Variants in LZTFL1 observed in about 807,000 individuals in gnomAD.
The protein encoded by LZTFL1 is leucine zipper transcription factor-like protein 1.
A neutral mutation model predicts 45.9 loss-of-function variants in LZTFL1; 25 were observed. The observed-to-expected ratio is 0.54, with a 90% CI of 0.40 to 0.76. The LOEUF (loss-of-function observed/expected upper bound fraction) is 0.76, where lower values mean the gene tolerates loss of function less well. Ranked by LOEUF, LZTFL1 falls within the 30% of genes least tolerant of loss-of-function variation. The pLI, the probability that LZTFL1 is intolerant of heterozygous loss-of-function variation, is 0.00. For missense variants in LZTFL1, 277 were observed against 331.1 expected, an observed-to-expected ratio of 0.84 and a Z score of 1.27; for synonymous variants, 93 against 117.4, an observed-to-expected ratio of 0.79 and a Z score of 1.35.
chr3:45,898,932 C>A (rs1232398649), intron 2 of LZTFL1, among the ~76,000 whole-genome samples: 1 of 152,180 alleles, frequency 6.6e-6, no homozygotes, highest in Admixed American at 6.5e-5. Flanking sequence ...CTTTCGGAGG[C>A]CAAAGTGGGT....
chr3:45,851,532 A>T lies in LZTFL1; in HGVS notation c.-49+3454T>A, dbSNP rs913226581. Among the ~76,000 whole-genome samples, 4 of 151,702 alleles carry T rather than the reference A, an allele frequency of 2.6e-5. No individual in the cohort carries two copies. In the East Asian group the frequency reaches 7.8e-4, roughly 29 times the overall value. The stretch of plus-strand genomic sequence containing the variant: ...GAGCCACCGTGCCTGGCCAGCTGTG[A>T]TCTTCGAAACTTCTATTTTCTTCTA... On this transcript the variant is annotated intron_variant, in intron 4 of 4. Coordinates refer to the LZTFL1 transcript ENST00000472635.
intron 2 of LZTFL1, among the ~76,000 whole-genome samples, chr3:45,870,966 T>C (rs1701662177): frequency 6.6e-6 from 1 of 152,216 alleles, no homozygotes; most frequent in Non-Finnish European, 1.5e-5. Flanking sequence ...ATACCATCTA[T>C]TATACAAGTT....
intron 2 of LZTFL1, among the ~76,000 whole-genome samples, chr3:45,885,630 A>G (rs1249349601): frequency 6.6e-6 from 1 of 152,234 alleles, no homozygotes; most frequent in East Asian, 1.9e-4. Flanking sequence ...CAGGTTCTGT[A>G]TCTGCATTGT....
intron 2 of LZTFL1, among the ~76,000 whole-genome samples, chr3:45,865,765 A>G (rs1322524157): frequency 6.6e-6 from 1 of 152,240 alleles, no homozygotes; most frequent in Non-Finnish European, 1.5e-5. Flanking sequence ...ACATAGAGTT[A>G]TCATATGACC....
At chr3:45,834,149 C>T in intron 4 of LZTFL1, 89 bp downstream of exon 4, 1 of 695,580 alleles carries the variant, frequency 1.4e-6, no homozygotes, top group South Asian at 2.0e-5. Flanking sequence ...CTTAAGAGTT[C>T]TCAGTTTTGA....
intron 7 of LZTFL1, among the ~76,000 whole-genome samples, chr3:45,829,462 G>C (rs1399282524): frequency 2.6e-5 from 4 of 151,892 alleles, no homozygotes. Context: ...AAATTAGCCA[G>C]GCATGGTGGC....
At chr3:45,843,655 G>A (rs1342506408), upstream of LZTFL1, among the ~76,000 whole-genome samples, 1 of 152,210 alleles carries the variant, frequency 6.6e-6, no homozygotes, top group African/African-American at 2.4e-5. Flanking sequence ...GCTAGTTATT[G>A]TAATTTAAAA....
At chr3:45,896,186 C>G (rs1261070366) in intron 2 of LZTFL1, among the ~76,000 whole-genome samples, 1 of 152,226 alleles carries the variant, frequency 6.6e-6, no homozygotes, top group Admixed American at 6.5e-5. Context: ...CTTTCAATCC[C>G]TGAGGCTGTG....
chr3:45,903,681 G>T (rs575870122), intron 2 of LZTFL1, among the ~76,000 whole-genome samples: 1 of 152,262 alleles, frequency 6.6e-6, no homozygotes, highest in Non-Finnish European at 1.5e-5. Context: ...AGCCAGGGAG[G>T]GCGAAGGGGT....
intron 2 of LZTFL1, among the ~76,000 whole-genome samples, chr3:45,908,075 T>C (rs757349363): frequency 4.6e-5 from 7 of 151,650 alleles, no homozygotes; most frequent in Non-Finnish European, 1.0e-4. Context: ...GGAGCAACAG[T>C]TTCTTTGATG....
intron 2 of LZTFL1, among the ~76,000 whole-genome samples, chr3:45,907,264 C>T (rs1202506045): frequency 1.3e-5 from 2 of 152,208 alleles, no homozygotes; most frequent in African/African-American, 2.4e-5. Flanking sequence ...GGACTGGCAT[C>T]TCCTTCTGGG....
At chr3:45,833,336 C>G (rs935172101) in intron 4 of LZTFL1, among the ~76,000 whole-genome samples, 2 of 151,950 alleles carry the variant, frequency 1.3e-5, no homozygotes, top group African/African-American at 4.8e-5. Context: ...ATGTTAGAGA[C>G]AAAAATAAAA....
intron 2 of LZTFL1, among the ~76,000 whole-genome samples, chr3:45,910,525 T>A (rs1176727864): frequency 6.6e-6 from 1 of 152,132 alleles, no homozygotes; most frequent in Non-Finnish European, 1.5e-5. Context: ...GGCAGCGACC[T>A]GGCTAGGAGC....
chr3:45,850,449 G>A (rs1701290798), intron 4 of LZTFL1, among the ~76,000 whole-genome samples: 1 of 152,172 alleles, frequency 6.6e-6, no homozygotes, highest in Non-Finnish European at 1.5e-5. Flanking sequence ...GCACCACCAT[G>A]GAGAGGCACC....
intron 4 of LZTFL1, chr3:45,854,945 A>G: frequency 7.1e-7 from 1 of 1,408,104 alleles, no homozygotes. Context: ...AACCACCACC[A>G]AAACATAATT....
At chr3:45,836,913 C>T (rs1009872568) in intron 2 of LZTFL1, among the ~76,000 whole-genome samples, 1 of 152,150 alleles carries the variant, frequency 6.6e-6, no homozygotes. Context: ...GTTTCAATGA[C>T]AGTATCACAG....
At chr3:45,859,619 T>C (rs1032198427) in intron 2 of LZTFL1, among the ~76,000 whole-genome samples, 3 of 151,424 alleles carry the variant, frequency 2.0e-5, no homozygotes, top group African/African-American at 7.3e-5. Context: ...AGTGGATCTT[T>C]CACAGAGAAC....
In LZTFL1 at chr3:45,842,045, C is replaced by G; in HGVS notation, c.-54G>C. ...GAACGGGAGAGGCCAGGCGGTGCCC[C>G]GCCAAGCCTGGGATCGCCGAGGGTA... On this transcript the variant is annotated 5_prime_UTR_variant, in exon 1 of 10. Transcript: ENST00000296135. The G allele has an allele frequency of 1.9e-6, 3 of 1,603,810 alleles. No individual in the cohort carries two copies. The highest frequency in any genetic ancestry group is 1.7e-6 in the Non-Finnish European group (2 of 1,176,748).
chr3:45,877,288 C>T (rs1320535953), intron 2 of LZTFL1, among the ~76,000 whole-genome samples: 1 of 147,778 alleles, frequency 6.8e-6, no homozygotes, highest in Non-Finnish European at 1.5e-5. Flanking sequence ...GGCTGGAGTG[C>T]AATGGTGCCA....
Sources: gnomAD v4.1 joint callset for allele counts (sites outside exome capture counted in the v4.1 genomes callset) on GRCh38, gnomAD v4.1.1 for gene constraint, MANE v1.5 for transcripts, NCBI Gene and HGNC (gene_info 2026-07-23, HGNC 2026-07-21) for gene names.